The following TRAPPC10 variants were observed in gnomAD, a reference collection of about 807,000 sequenced individuals.
The protein encoded by TRAPPC10 is trafficking protein particle complex subunit 10, also known as TRAPP 130 kDa subunit.
TRAPPC10 carries 23 observed loss-of-function variants against 125.5 expected under a neutral mutation model. That is an observed-to-expected ratio of 0.18 (90% CI 0.13 to 0.26). TRAPPC10 has a LOEUF of 0.26. TRAPPC10 is among the 10% of genes least tolerant of loss of function. The probability of loss-of-function intolerance (pLI) is 1.00; values close to 1 mark genes in which losing one functional copy is unlikely to be tolerated. For synonymous variants in TRAPPC10, 509 were observed against 518.0 expected (o/e 0.98, Z 0.24); for missense variants, 1,123 against 1,308.4 (o/e 0.86, Z 2.19).
At chr21:44,074,261 G>A in intron 7 of TRAPPC10, 63 bp from the exon 8 acceptor site, 1 of 1,601,752 alleles carries the variant, frequency 6.2e-7, no homozygotes, top group South Asian at 1.1e-5. Context: ...AGAGCATGTG[G>A]GTTTGTTCAA....
chr21:44,014,916 T>C (rs918308639), intron 1 of TRAPPC10, among the ~76,000 whole-genome samples: 2 of 152,218 alleles, frequency 1.3e-5, no homozygotes, highest in Non-Finnish European at 2.9e-5. Flanking sequence ...AATTATGTTG[T>C]GGTATATCTG....
intron 2 of TRAPPC10, among the ~76,000 whole-genome samples, chr21:44,033,209 T>C (rs1967314467): frequency 6.6e-6 from 1 of 152,220 alleles, no homozygotes; most frequent in South Asian, 2.1e-4. Context: ...TTCCTGTTGT[T>C]CTTTGTGTTT....
chr21:44,068,399 C>T (rs959443238), intron 7 of TRAPPC10, among the ~76,000 whole-genome samples: 20 of 152,032 alleles, frequency 1.3e-4, no homozygotes, highest in Admixed American at 3.3e-4. Flanking sequence ...GTGAGGCAGG[C>T]TTTGGGGGCA....
intron 7 of TRAPPC10, among the ~76,000 whole-genome samples, chr21:44,073,471 TG>T (rs1158505338): frequency 2.0e-5 from 3 of 152,174 alleles, no homozygotes; most frequent in Non-Finnish European, 4.4e-5. Flanking sequence ...TGCTAAAATG[TG>T]GGGGAAAACT....
At chr21:44,075,511 G>A (rs1295039722) in intron 9 of TRAPPC10, among the ~76,000 whole-genome samples, 1 of 151,448 alleles carries the variant, frequency 6.6e-6, no homozygotes, top group African/African-American at 2.4e-5. Flanking sequence ...TAAGAGACAG[G>A]GTCTCACTCT....
chr21:44,066,261 C>G (rs2036444818), intron 7 of TRAPPC10, among the ~76,000 whole-genome samples: 2 of 152,304 alleles, frequency 1.3e-5, no homozygotes, highest in South Asian at 4.1e-4. Flanking sequence ...GTGATGGAAA[C>G]TAGCCCTGCT....
intron 5 of TRAPPC10, among the ~76,000 whole-genome samples, chr21:44,057,245 T>C (rs527239725): frequency 1.3e-5 from 2 of 152,144 alleles, no homozygotes; most frequent in African/African-American, 4.8e-5. Context: ...GGGATATTGG[T>C]TGCACAATAG....
intron 3 of TRAPPC10, among the ~76,000 whole-genome samples, chr21:44,044,873 C>T (rs1168292105): frequency 1.3e-5 from 2 of 151,934 alleles, no homozygotes; most frequent in Non-Finnish European, 2.9e-5. Flanking sequence ...GCCATGTTGG[C>T]CAGGCCATTC....
At chr21:44,016,821 G>C (rs1043469269) in intron 1 of TRAPPC10, among the ~76,000 whole-genome samples, 15 of 152,192 alleles carry the variant, frequency 9.9e-5, no homozygotes, top group Admixed American at 1.3e-4. Flanking sequence ...ACCACGCCTG[G>C]CTAATTTTTT....
At chr21:44,073,899 C>T (rs1230956638) in intron 7 of TRAPPC10, among the ~76,000 whole-genome samples, 1 of 152,106 alleles carries the variant, frequency 6.6e-6, no homozygotes, top group Non-Finnish European at 1.5e-5. Context: ...AGTTTTCCCT[C>T]CCCTCTTGAC....
At position 44,084,283 on chromosome 21, in the gene TRAPPC10, T is replaced by A; in HGVS notation, c.2380+20T>A. On this transcript the variant is annotated intron_variant, in intron 15 of 22. Coordinates refer to ENST00000291574, the MANE Select transcript of TRAPPC10 (RefSeq NM_003274.5). ...TGGCTGGTGAGTGGGGTCCCCAGCC[T>A]TTGAGGAGGCGTGCTGCTGGGGCAG... 1 of 1,610,420 alleles carries A rather than the reference T, an allele frequency of 6.2e-7. No individual in the cohort carries two copies. Among genetic ancestry groups the A allele is most frequent in the East Asian group, 2.2e-5 (1 of 44,796 alleles).
chr21:44,082,913 C>G lies in TRAPPC10; in HGVS notation c.1849C>G (p.Pro617Ala). 6.2e-7 allele frequency: 1 copy of G among 1,614,050 alleles called. No individual in the cohort carries two copies. The highest frequency in any genetic ancestry group is 8.5e-7 in the Non-Finnish European group (1 of 1,180,012). The change falls in exon 14 of 23, where the codon CCT becomes GCT. Residue 617 changes from proline to alanine, a missense_variant. Pro to Ala is a conservative substitution (Grantham distance 27). Around this residue, in one of 4 missense-constraint regions of TRAPPC10, gnomAD observed 840 missense variants for 902.0 expected, o/e 0.93. Transcript: ENST00000291574. This position sits in a 1 kb window ranked among gnomAD's most constrained non-coding sequence, Gnocchi z 4.4. ...TGAGATAACCATGTACAGCCAGATG[C>G]CTGTGCCTGTTCACGTGGAGCAGAT... Reference protein sequence around the residue: ...CVEITMYSQMPVPVHVEQIVV... With the variant: ...CVEITMYSQMAVPVHVEQIVV...
chr21:44,090,541 C>T (rs1378137760), intron 18 of TRAPPC10, among the ~76,000 whole-genome samples: 1 of 152,154 alleles, frequency 6.6e-6, no homozygotes, highest in East Asian at 1.9e-4. Flanking sequence ...CTGGGTGGGG[C>T]GGACGTGCCC....
intron 2 of TRAPPC10, among the ~76,000 whole-genome samples, chr21:44,032,685 G>A (rs528147957): frequency 1.3e-5 from 2 of 152,230 alleles, no homozygotes; most frequent in East Asian, 3.9e-4. Flanking sequence ...CCCAGACTAC[G>A]ATGGTTTTTC....
chr21:44,058,600 C>G (rs1378616628), intron 5 of TRAPPC10, among the ~76,000 whole-genome samples: 4 of 152,218 alleles, frequency 2.6e-5, no homozygotes, highest in Non-Finnish European at 5.9e-5. Flanking sequence ...CGTGCTGTGC[C>G]TGCCATTGGA....
Position 44,055,700 on chromosome 21 carries a change from G to A in TRAPPC10, c.485G>A (p.Cys162Tyr), listed in dbSNP as rs761681341. The change falls in exon 5 of 23, where the codon TGT becomes TAT. Residue 162 changes from cysteine to tyrosine, a missense_variant and splice_region_variant. By Grantham distance (194) the Cys-to-Tyr change is radical. This residue lies in a region of TRAPPC10 where 177 missense variants were observed against 228.9 expected (regional missense o/e 0.77). Coordinates refer to ENST00000291574, the MANE Select transcript of TRAPPC10 (RefSeq NM_003274.5). ...ATAGTCTGTTCATGTCTTTGCAGGT[G>A]TGTTGTGCTCTCCGACCCCTTGAAG... is the stretch of plus-strand genomic sequence containing the variant. ...NDFCNKQSDRCVVLSDPLKDS... is the reference protein window; with the variant it reads ...NDFCNKQSDRYVVLSDPLKDS... 4.4e-6 allele frequency: 7 copies of A among 1,600,998 alleles called. No homozygotes were observed. The East Asian group carries it at 1.1e-4, about 26-fold the overall frequency.
rs1462861513 is a variant in TRAPPC10, at chr21:44,083,210, T to C, written c.2146T>C (p.Ser716Pro). 6.2e-7 allele frequency: 1 copy of C among 1,614,172 alleles called. No individual in the cohort carries two copies. The highest frequency in any genetic ancestry group is 8.5e-7 in the Non-Finnish European group (1 of 1,180,020). Reference protein sequence around the residue: ...QESSSSLEMPSGVALEEGAHV... With the variant: ...QESSSSLEMPPGVALEEGAHV... ...GAGCAGCTCCTCTCTAGAGATGCCCTCAGGGGTGGCTCTGGAGGAGGGTGC... is the reference window on the plus strand; with the variant it reads ...GAGCAGCTCCTCTCTAGAGATGCCCCCAGGGGTGGCTCTGGAGGAGGGTGC... The change falls in exon 14 of 23, where the codon TCA becomes CCA. Residue 716 changes from serine (S) to proline (P), a missense_variant. Around this residue, in one of 4 missense-constraint regions of TRAPPC10, gnomAD observed 840 missense variants for 902.0 expected, o/e 0.93. Transcript: ENST00000291574.
chr21:44,057,299 C>G (rs1436067965), intron 5 of TRAPPC10, among the ~76,000 whole-genome samples: 1 of 151,892 alleles, frequency 6.6e-6, no homozygotes, highest in Non-Finnish European at 1.5e-5. Flanking sequence ...TTCTCTCTCT[C>G]TCTCTCTTTT....
intron 3 of TRAPPC10, among the ~76,000 whole-genome samples, chr21:44,043,674 C>G (rs974259622): frequency 6.6e-6 from 1 of 152,128 alleles, no homozygotes; most frequent in Non-Finnish European, 1.5e-5. Flanking sequence ...AGTGACTTTC[C>G]CTTGTTGAAA....
Sources: allele counts gnomAD v4.1 joint callset (sites outside exome capture counted in the v4.1 genomes callset), GRCh38; gene constraint gnomAD v4.1.1; regional missense constraint gnomAD v4.1.1; non-coding constraint Gnocchi (gnomAD v3.1); transcripts MANE v1.5; gene names NCBI Gene and HGNC (gene_info 2026-07-23, HGNC 2026-07-21).